Variants in ADAMTS3 observed in about 807,000 individuals in gnomAD.
ADAMTS3 encodes A disintegrin and metalloproteinase with thrombospondin motifs 3.
ADAMTS3 carries 73 observed loss-of-function variants against 129.0 expected under a neutral mutation model. The observed-to-expected ratio is 0.57, with a 90% confidence interval of 0.47 to 0.69. The LOEUF (loss-of-function observed/expected upper bound fraction) is 0.69. Ranked by LOEUF, ADAMTS3 falls within the 30% of genes least tolerant of loss-of-function variation. The probability of loss-of-function intolerance (pLI) is 0.00; values close to 1 mark genes in which losing one functional copy is unlikely to be tolerated. For synonymous variants in ADAMTS3, 477 were observed against 510.8 expected (o/e 0.93, Z 0.89); for missense variants, 1,457 against 1,514.5 (o/e 0.96, Z 0.63).
At chr4:72,423,051 T>G (rs1560510186) in intron 3 of ADAMTS3, among the ~76,000 whole-genome samples, 2 of 152,278 alleles carry the variant, frequency 1.3e-5, no homozygotes, top group South Asian at 2.1e-4. Context: ...TCTAAAAAAC[T>G]TATGCCATGG....
At chr4:72,530,070 A>ATATTTATATATAATATGTT (rs1720954329) in intron 3 of ADAMTS3, among the ~76,000 whole-genome samples, 2 of 4,402 alleles carry the variant, frequency 4.5e-4, no homozygotes, top group South Asian at 0.016. Flanking sequence ...TGTTATATAT[A>ATATTTATATATAATATGTT]ACATATTATA....
chr4:72,425,578 T>C (rs1242249298), intron 3 of ADAMTS3, among the ~76,000 whole-genome samples: 1 of 152,176 alleles, frequency 6.6e-6, no homozygotes, highest in Non-Finnish European at 1.5e-5. Flanking sequence ...AGTGAGAACA[T>C]GCAGTGTTTG....
Position 72,288,777 on chromosome 4 carries a change from C to G in ADAMTS3, c.3023G>C (p.Arg1008Thr), listed in dbSNP as rs771634435. The change falls in exon 21 of 22, where the codon AGA (arginine) becomes ACA (threonine). Residue 1008 changes from arginine to threonine, a missense_variant. Transcript: ENST00000286657. ...ATTACAAGGAGGCAGTTGACAGGCT[C>G]TGACCGACTCAGGCTTTTCACCATC... ...HCDGEKPESV[R>T]ACQLPPCNDE... The G allele has an allele frequency of 6.2e-7, 1 of 1,613,888 alleles. No individual in the cohort carries two copies. Among genetic ancestry groups the G allele is most frequent in the Non-Finnish European group, 8.5e-7 (1 of 1,179,860 alleles).
intron 3 of ADAMTS3, among the ~76,000 whole-genome samples, chr4:72,441,413 T>A (rs1718113515): frequency 6.6e-6 from 1 of 151,820 alleles, no homozygotes; most frequent in South Asian, 2.1e-4. Context: ...TCTTTACATA[T>A]CTGGGATACA....
chr4:72,474,140 T>C (rs1294955673), intron 3 of ADAMTS3, among the ~76,000 whole-genome samples: 1 of 152,106 alleles, frequency 6.6e-6, no homozygotes, highest in Admixed American at 6.5e-5. Context: ...TCAGAACATA[T>C]GAAAAAGTCC....
Position 72,392,915 on chromosome 4 carries a change from ATTT to A in ADAMTS3, c.661+21897_661+21899del, listed in dbSNP as rs36046621. Among the ~76,000 whole-genome samples, 397 of 139,868 alleles carry A rather than the reference ATTT, an allele frequency of 2.8e-3. 2 individuals carry two copies. The highest frequency in any genetic ancestry group is 9.7e-3 in the African/African-American group (373 of 38,344). The allele number at this position is 139,868 out of a possible 152,430, so 91.8% of individuals were successfully genotyped here. On this transcript the variant is annotated intron_variant, in intron 4 of 21. Transcript: ENST00000286657. ...TAAAAAAAATTCTTCTACCCATCGGATTTTTTTTTTTTTTCTTTTTTTTTTTCT... is the reference window on the plus strand; with the variant it reads ...TAAAAAAAATTCTTCTACCCATCGGATTTTTTTTTTTCTTTTTTTTTTTCT...
chr4:72,494,964 G>A (rs1719839088), intron 3 of ADAMTS3, among the ~76,000 whole-genome samples: 2 of 152,162 alleles, frequency 1.3e-5, no homozygotes, highest in African/African-American at 2.4e-5. Context: ...AAAGGTTGCT[G>A]GGGTCCTCTA....
At chr4:72,296,793 C>T (rs1718820683) in intron 18 of ADAMTS3, among the ~76,000 whole-genome samples, 1 of 152,010 alleles carries the variant, frequency 6.6e-6, no homozygotes, top group Non-Finnish European at 1.5e-5. Context: ...TCAGTTGTCC[C>T]TATCATGTTA....
At chr4:72,354,183 T>G (rs186328253) in intron 4 of ADAMTS3, among the ~76,000 whole-genome samples, 1 of 152,112 alleles carries the variant, frequency 6.6e-6, no homozygotes, top group East Asian at 1.9e-4. Flanking sequence ...TTTGTTTAGA[T>G]AAAATATTCC....
intron 3 of ADAMTS3, among the ~76,000 whole-genome samples, chr4:72,462,945 T>A (rs975088404): frequency 6.6e-6 from 1 of 151,966 alleles, no homozygotes; most frequent in African/African-American, 2.4e-5. Context: ...TAGAGGAGTG[T>A]ACAGTAATGT....
intron 3 of ADAMTS3, among the ~76,000 whole-genome samples, chr4:72,420,768 T>C (rs1385548871): frequency 2.0e-5 from 3 of 152,196 alleles, no homozygotes; most frequent in Non-Finnish European, 2.9e-5. Context: ...AGTTTTGAAG[T>C]TGGATGACTA....
intron 19 of ADAMTS3, among the ~76,000 whole-genome samples, chr4:72,291,497 G>T (rs1303927488): frequency 2.7e-5 from 4 of 147,864 alleles, no homozygotes; most frequent in Non-Finnish European, 4.4e-5. Flanking sequence ...GAGAACATGC[G>T]GTGTTTCGTT....
chr4:72,479,287 C>G (rs1232469279), intron 3 of ADAMTS3, among the ~76,000 whole-genome samples: 4 of 152,178 alleles, frequency 2.6e-5, no homozygotes, highest in African/African-American at 4.8e-5. Context: ...TACCTGACTT[C>G]AAACTATACT....
At chr4:72,458,768 A>G (rs1304489040) in intron 3 of ADAMTS3, among the ~76,000 whole-genome samples, 1 of 151,602 alleles carries the variant, frequency 6.6e-6, no homozygotes, top group Non-Finnish European at 1.5e-5. Context: ...GATTATAAAT[A>G]GGCATTTGTT....
intron 3 of ADAMTS3, among the ~76,000 whole-genome samples, chr4:72,477,641 C>T (rs949793366): frequency 2.0e-5 from 3 of 151,942 alleles, no homozygotes; most frequent in African/African-American, 7.3e-5. Flanking sequence ...TCTAGAAAAG[C>T]AAGAGCAAAC....
chr4:72,301,111 C>T (rs1483732859), intron 17 of ADAMTS3, among the ~76,000 whole-genome samples: 1 of 152,048 alleles, frequency 6.6e-6, no homozygotes, highest in Non-Finnish European at 1.5e-5. Flanking sequence ...AAAATAAGGA[C>T]CTAACACTTC....
intron 3 of ADAMTS3, among the ~76,000 whole-genome samples, chr4:72,469,800 A>C (rs1167524704): frequency 6.6e-6 from 1 of 152,168 alleles, no homozygotes; most frequent in Non-Finnish European, 1.5e-5. Flanking sequence ...AATGAATAAT[A>C]AATACATTTT....
intron 3 of ADAMTS3, among the ~76,000 whole-genome samples, chr4:72,450,663 C>A (rs1349214686): frequency 2.0e-5 from 3 of 151,650 alleles, no homozygotes; most frequent in Non-Finnish European, 4.4e-5. Context: ...AAACTAAAAT[C>A]TGTGGCAAAT....
chr4:72,283,313 T>G lies in ADAMTS3; in HGVS notation c.3441A>C (p.Val1147=). ...AGSKTVRLVT[V]PSSPPTKRVH... ...CCCTCTTGGTGGGTGGGGAGGATGG[T>G]ACGGTGACCAGTCTCACAGTCTTAC... Residue 1147 remains valine (V), a synonymous_variant, in exon 22 of 22, where the codon GTA becomes GTC. Coordinates refer to ENST00000286657, the MANE Select transcript of ADAMTS3 (RefSeq NM_014243.3). 6.2e-7 allele frequency: 1 copy of G among 1,614,018 alleles called. No homozygotes were observed. The highest frequency in any genetic ancestry group is 8.5e-7 in the Non-Finnish European group (1 of 1,179,942).
Sources: allele counts gnomAD v4.1 joint callset (sites outside exome capture counted in the v4.1 genomes callset), GRCh38; gene constraint gnomAD v4.1.1; transcripts MANE v1.5; gene names NCBI Gene and HGNC (gene_info 2026-07-23, HGNC 2026-07-21).